Variants in ARHGAP22 observed in about 807,000 individuals in gnomAD.
ARHGAP22 encodes Rho GTPase activating protein 22.
A neutral mutation model predicts 59.1 loss-of-function variants in ARHGAP22; 48 were observed. The observed-to-expected ratio is 0.81, with a 90% CI of 0.64 to 1.03. The LOEUF is 1.03. Ranked by LOEUF, ARHGAP22 falls within the 50% of genes least tolerant of loss-of-function variation. The pLI is 0.00. For synonymous variants in ARHGAP22, 445 were observed against 416.4 expected (o/e 1.07, Z -0.84); for missense variants, 1,015 against 958.7 (o/e 1.06, Z -0.78).
At chr10:48,443,132 C>T (rs777502642), downstream of ARHGAP22, among the ~76,000 whole-genome samples, 10 of 152,162 alleles carry the variant, frequency 6.6e-5, no homozygotes, top group Non-Finnish European at 1.2e-4. Context: ...CAGGACTTCT[C>T]AAAGACCGCT....
At chr10:48,499,785 T>C (rs2051316403) in intron 3 of ARHGAP22, among the ~76,000 whole-genome samples, 1 of 152,220 alleles carries the variant, frequency 6.6e-6, no homozygotes, top group South Asian at 2.1e-4. Flanking sequence ...GGTGCGAAAT[T>C]AATATATAAA....
intron 2 of ARHGAP22, among the ~76,000 whole-genome samples, chr10:48,558,339 T>TG (rs1019365181): frequency 1.6e-4 from 14 of 88,252 alleles, no homozygotes; most frequent in Admixed American, 1.1e-3. Context: ...TGCGATTTAA[T>TG]GTTTTTTTTT....
At chr10:48,512,045 T>G (rs2052826127) in intron 3 of ARHGAP22, among the ~76,000 whole-genome samples, 1 of 152,238 alleles carries the variant, frequency 6.6e-6, no homozygotes, top group Non-Finnish European at 1.5e-5. Flanking sequence ...GAGCAGGCTC[T>G]CTGCATGACT....
intron 2 of ARHGAP22, among the ~76,000 whole-genome samples, chr10:48,576,282 G>A (rs988378767): frequency 1.3e-5 from 2 of 152,202 alleles, no homozygotes; most frequent in Non-Finnish European, 2.9e-5. Flanking sequence ...AGGCCAGCGT[G>A]GGGCTCAGTG....
chr10:48,592,186 C>A (rs2135758641), intron 1 of ARHGAP22, among the ~76,000 whole-genome samples: 1 of 152,286 alleles, frequency 6.6e-6, no homozygotes, highest in South Asian at 2.1e-4. Flanking sequence ...GCCTTGTTTT[C>A]TCTCACTCTC....
At chr10:48,607,648 T>C (rs2060727882), upstream of ARHGAP22, among the ~76,000 whole-genome samples, 1 of 152,164 alleles carries the variant, frequency 6.6e-6, no homozygotes. Flanking sequence ...CCAGCCCTAC[T>C]CTTCTCACTT....
In ARHGAP22 at chr10:48,450,245, C is replaced by A. The variant is rs146392911; in HGVS notation, c.1868+16G>T. On this transcript the variant is annotated intron_variant, in intron 9 of 9. Coordinates refer to ENST00000249601, the MANE Select transcript of ARHGAP22 (RefSeq NM_021226.4). ...CTCCGCCCCGTCACAGGAGGCTCCA[C>A]GGGGCAGCAAGTTACCTTTTCACAC... 1.9e-6 allele frequency: 3 copies of A among 1,605,848 alleles called. No individual in the cohort carries two copies. Among genetic ancestry groups the A allele is most frequent in the South Asian group, 2.2e-5 (2 of 89,594 alleles).
chr10:48,520,321 G>A (rs1267383098), intron 3 of ARHGAP22, among the ~76,000 whole-genome samples: 1 of 152,192 alleles, frequency 6.6e-6, no homozygotes, highest in Non-Finnish European at 1.5e-5. Context: ...GCTGCCTTCA[G>A]CCCTGGTTCT....
intron 6 of ARHGAP22, 36 bp from the exon 7 acceptor site, chr10:48,454,197 A>G (rs2046271443): frequency 6.6e-7 from 1 of 1,516,644 alleles, no homozygotes; most frequent in Non-Finnish European, 9.2e-7. Flanking sequence ...AACACCGGCA[A>G]TGAGGGCCCT....
At chr10:48,617,993 A>G (rs1802510034) in intron 1 of ARHGAP22, among the ~76,000 whole-genome samples, 1 of 152,016 alleles carries the variant, frequency 6.6e-6, no homozygotes, top group Non-Finnish European at 1.5e-5. Context: ...TCAGAAACAA[A>G]AGAGGAGACA....
chr10:48,514,282 A>T (rs1399251703), intron 3 of ARHGAP22, among the ~76,000 whole-genome samples: 2 of 152,140 alleles, frequency 1.3e-5, no homozygotes, highest in Non-Finnish European at 2.9e-5. Context: ...AAATTTGTTG[A>T]AAAAAAGAGA....
chr10:48,549,230 G>A (rs1189196949), intron 3 of ARHGAP22, among the ~76,000 whole-genome samples: 2 of 152,192 alleles, frequency 1.3e-5, no homozygotes, highest in African/African-American at 4.8e-5. Context: ...GAAGGGAGCT[G>A]AGTCCCAGCT....
upstream of ARHGAP22, among the ~76,000 whole-genome samples, chr10:48,605,773 A>G (rs2060647270): frequency 6.6e-6 from 1 of 152,124 alleles, no homozygotes; most frequent in Admixed American, 6.6e-5. Flanking sequence ...TCAATATCTC[A>G]TTTAACTCTC....
chr10:48,597,625 T>C (rs7915604), intron 1 of ARHGAP22, among the ~76,000 whole-genome samples: 18,008 of 152,156 alleles, frequency 0.12, 3,556 homozygotes, highest in African/African-American at 0.41. Context: ...GTAGGCCCTG[T>C]TTCTTGCTCC....
intron 9 of ARHGAP22, among the ~76,000 whole-genome samples, chr10:48,449,887 C>T (rs894109401): frequency 1.3e-5 from 2 of 152,246 alleles, no homozygotes; most frequent in African/African-American, 2.4e-5. Flanking sequence ...AGCATCCAGG[C>T]TATGAGCCCT....
intron 2 of ARHGAP22, among the ~76,000 whole-genome samples, chr10:48,558,292 C>A (rs899332135): frequency 6.6e-6 from 1 of 151,524 alleles, no homozygotes; most frequent in Non-Finnish European, 1.5e-5. Flanking sequence ...ACTTTTTAAC[C>A]TTTGTTTTTA....
At chr10:48,620,810 C>T (rs903277678) in intron 1 of ARHGAP22, among the ~76,000 whole-genome samples, 11 of 152,134 alleles carry the variant, frequency 7.2e-5, no homozygotes, top group African/African-American at 2.7e-4. Flanking sequence ...GTTGGAGTTT[C>T]ACATTAATTT....
chr10:48,635,634 G>A (rs2061787327), intron 1 of ARHGAP22, among the ~76,000 whole-genome samples: 1 of 152,244 alleles, frequency 6.6e-6, no homozygotes, highest in Non-Finnish European at 1.5e-5. Context: ...TGGCAGGTGA[G>A]TCTGCACTCT....
At chr10:48,528,075 G>A (rs1326805882) in intron 3 of ARHGAP22, among the ~76,000 whole-genome samples, 2 of 152,210 alleles carry the variant, frequency 1.3e-5, no homozygotes, top group Non-Finnish European at 2.9e-5. Flanking sequence ...CCCACAGTTG[G>A]GTGGTGAGAA....
Sources: allele counts gnomAD v4.1 joint callset (sites outside exome capture counted in the v4.1 genomes callset), GRCh38; gene constraint gnomAD v4.1.1; transcripts MANE v1.5; gene names NCBI Gene and HGNC (gene_info 2026-07-23, HGNC 2026-07-21).